The following ITSN2 variants were observed in gnomAD, a reference collection of about 807,000 sequenced individuals.
The protein encoded by ITSN2 is intersectin 2.
Under a neutral mutation model 243.7 loss-of-function variants are expected in ITSN2, and 156 were observed. The ratio of observed to expected loss-of-function variants is 0.64; its 90% CI spans 0.56 to 0.73. The LOEUF (loss-of-function observed/expected upper bound fraction) is 0.73. Ranked by LOEUF, ITSN2 falls within the 30% of genes least tolerant of loss-of-function variation. The probability of loss-of-function intolerance (pLI) is 0.00; values close to 1 mark genes in which losing one functional copy is unlikely to be tolerated. For missense variants in ITSN2, 1,801 were observed against 1,996.1 expected, an observed-to-expected ratio of 0.90 and a Z score of 1.86; for synonymous variants, 703 against 699.9, an observed-to-expected ratio of 1.00 and a Z score of -0.07.
chr2:24,319,613 T>C (rs1170738912), intron 2 of ITSN2, among the ~76,000 whole-genome samples: 1 of 152,128 alleles, frequency 6.6e-6, no homozygotes, highest in Non-Finnish European at 1.5e-5. Context: ...TGGGACTAAT[T>C]TGGGCAATCC....
chr2:24,262,244 TTTAA>T (rs1483194176), intron 20 of ITSN2, among the ~76,000 whole-genome samples: 2 of 152,196 alleles, frequency 1.3e-5, no homozygotes, highest in African/African-American at 2.4e-5. Flanking sequence ...TTTAAATTTA[TTTAA>T]TGTTTATAAT....
At chr2:24,215,366 T>G (rs904313379) in intron 32 of ITSN2, among the ~76,000 whole-genome samples, 1 of 152,222 alleles carries the variant, frequency 6.6e-6, no homozygotes, top group Non-Finnish European at 1.5e-5. Context: ...ATTTTATATA[T>G]TTGAGTAAGC....
At position 24,210,780 on chromosome 2, in the gene ITSN2, C is replaced by T. The variant is rs771438587; in HGVS notation, c.4257G>A (p.Glu1419=). 2.5e-6 allele frequency: 4 copies of T among 1,613,462 alleles called. No individual in the cohort carries two copies. The highest frequency in any genetic ancestry group is 3.3e-4 in the Middle Eastern group (2 of 6,012). Residue 1419 remains glutamate, a splice_region_variant and synonymous_variant, in exon 34 of 40, where the codon GAG becomes GAA. Coordinates refer to ENST00000355123, the MANE Select transcript of ITSN2 (RefSeq NM_006277.3). Reference sequence around the variant, plus strand: ...CACGGCTTAACCACACAGGCCTGACCTCCGCGAGGCCTTCACACTGCACGT... The same window carrying T: ...CACGGCTTAACCACACAGGCCTGACTTCCGCGAGGCCTTCACACTGCACGT... ...QAHVQCEGLA[E]QLIFNSLTNC...
chr2:24,210,669 A>T, intron 34 of ITSN2, 111 bp downstream of exon 34: 6 of 736,014 alleles, frequency 8.2e-6, no homozygotes, highest in Non-Finnish European at 1.2e-5. Context: ...CAGGGTGGTG[A>T]GTCCACGCAG....
At chr2:24,237,128 C>G (rs1191001141) in intron 29 of ITSN2, among the ~76,000 whole-genome samples, 1 of 152,140 alleles carries the variant, frequency 6.6e-6, no homozygotes, top group Admixed American at 6.5e-5. Flanking sequence ...CTACCGCTTA[C>G]TAGCAGGTTC....
chr2:24,331,870 C>T (rs1444987672), intron 1 of ITSN2, among the ~76,000 whole-genome samples: 1 of 152,182 alleles, frequency 6.6e-6, no homozygotes. Context: ...AAATGTCAAC[C>T]CTCACTCTAA....
chr2:24,340,800 A>G (rs1473400850), intron 1 of ITSN2, among the ~76,000 whole-genome samples: 2 of 152,158 alleles, frequency 1.3e-5, no homozygotes, highest in African/African-American at 2.4e-5. Flanking sequence ...AGAGACCCAC[A>G]TTTGGTAGTT....
intron 17 of ITSN2, among the ~76,000 whole-genome samples, chr2:24,281,060 C>T (rs1678711819): frequency 6.6e-6 from 1 of 152,186 alleles, no homozygotes; most frequent in East Asian, 1.9e-4. Context: ...CAGAGTTTTG[C>T]TCTTGTTGCC....
At chr2:24,254,250 A>T in intron 24 of ITSN2, 117 bp downstream of exon 24, 1 of 708,686 alleles carries the variant, frequency 1.4e-6, no homozygotes, top group Non-Finnish European at 2.5e-6. Context: ...TTAATACTGC[A>T]GACACAGAAA....
intron 30 of ITSN2, chr2:24,220,362 C>T: frequency 1.0e-6 from 1 of 985,340 alleles, no homozygotes; most frequent in Non-Finnish European, 1.2e-6. Flanking sequence ...AAGCACAAAT[C>T]ATTTTAAAGT....
At chr2:24,243,751 T>A (rs898812336) in intron 29 of ITSN2, among the ~76,000 whole-genome samples, 2 of 152,198 alleles carry the variant, frequency 1.3e-5, no homozygotes, top group African/African-American at 4.8e-5. Context: ...CCCTGCTATT[T>A]CCATGTTTTA....
intron 12 of ITSN2, 44 bp downstream of exon 12, chr2:24,299,865 T>G: frequency 1.4e-6 from 2 of 1,479,878 alleles, no homozygotes; most frequent in Non-Finnish European, 9.2e-7. Context: ...AGTCACTTAT[T>G]AAATGTAATG....
At chr2:24,279,890 G>A (rs1245158857) in intron 17 of ITSN2, among the ~76,000 whole-genome samples, 2 of 151,660 alleles carry the variant, frequency 1.3e-5, no homozygotes, top group Non-Finnish European at 2.9e-5. Context: ...CTGCCACCAT[G>A]CCCGGCTAAT....
chr2:24,299,869 T>G (rs867859118), intron 12 of ITSN2, 40 bp downstream of exon 12: 1 of 1,486,274 alleles, frequency 6.7e-7, no homozygotes, highest in Middle Eastern at 1.8e-4. Flanking sequence ...ACTTATTAAA[T>G]GTAATGATTT....
At chr2:24,224,846 T>C (rs974919021) in intron 29 of ITSN2, among the ~76,000 whole-genome samples, 5 of 152,184 alleles carry the variant, frequency 3.3e-5, no homozygotes, top group East Asian at 3.9e-4. Context: ...GCCAGGCTGG[T>C]CTCCAACTAC....
chr2:24,301,317 T>C, intron 10 of ITSN2, 78 bp from the exon 11 acceptor site: 1 of 761,058 alleles, frequency 1.3e-6, no homozygotes, highest in East Asian at 2.5e-5. Context: ...TACCAGTGAT[T>C]ATGGCAATTT....
chr2:24,309,967 G>C (rs556210198), intron 7 of ITSN2, among the ~76,000 whole-genome samples: 3 of 152,258 alleles, frequency 2.0e-5, no homozygotes, highest in Non-Finnish European at 2.9e-5. Context: ...TGTACAATGA[G>C]TATGAGACAT....
chr2:24,351,219 T>C (rs1206309479), intron 1 of ITSN2, among the ~76,000 whole-genome samples: 2 of 152,210 alleles, frequency 1.3e-5, no homozygotes, highest in East Asian at 1.9e-4. Flanking sequence ...AGTCCCATTT[T>C]GTCTTGTATT....
intron 28 of ITSN2, 53 bp from the exon 29 acceptor site, chr2:24,246,373 G>A (rs1673369651): frequency 1.5e-5 from 16 of 1,064,224 alleles, no homozygotes; most frequent in Non-Finnish European, 2.0e-5. Flanking sequence ...ATTCCTGCAA[G>A]GGTCAATCAT....
Sources: gnomAD v4.1 joint callset for allele counts (sites outside exome capture counted in the v4.1 genomes callset) on GRCh38, gnomAD v4.1.1 for gene constraint, MANE v1.5 for transcripts, NCBI Gene and HGNC (gene_info 2026-07-23, HGNC 2026-07-21) for gene names.